Variants in TENM4 observed in about 807,000 individuals in gnomAD.
TENM4 encodes the protein teneurin-4.
In TENM4, 82 loss-of-function variants were observed where a neutral mutation model predicts 243.3. That is an observed-to-expected ratio of 0.34 (90% CI 0.28 to 0.40). The LOEUF is 0.40. Among genes scored for constraint, TENM4 ranks in the 10% least tolerant of loss-of-function variants. The pLI is 1.00. For missense variants in TENM4, 3,138 were observed against 3,673.3 expected, an observed-to-expected ratio of 0.85 and a Z score of 3.77; for synonymous variants, 1,412 against 1,456.3, an observed-to-expected ratio of 0.97 and a Z score of 0.69.
At chr11:79,084,175 A>G (rs11606578) in intron 4 of TENM4, among the ~76,000 whole-genome samples, 19,132 of 152,260 alleles carry the variant, frequency 0.13, 1,313 homozygotes, top group Middle Eastern at 0.26. Context: ...AGCTATCACC[A>G]TACACCTATC....
At chr11:78,874,381 A>C (rs1859211953) in intron 9 of TENM4, among the ~76,000 whole-genome samples, 3 of 152,210 alleles carry the variant, frequency 2.0e-5, no homozygotes, top group Admixed American at 2.0e-4. Context: ...ATATTGCTTA[A>C]TAGTTAATGA....
chr11:78,815,161 G>A (rs1857578360), intron 12 of TENM4, among the ~76,000 whole-genome samples: 1 of 152,180 alleles, frequency 6.6e-6, no homozygotes, highest in South Asian at 2.1e-4. Context: ...TGAGGCAGGT[G>A]GATTACTTGA....
intron 4 of TENM4, among the ~76,000 whole-genome samples, chr11:79,143,005 T>C (rs987471986): frequency 3.3e-5 from 5 of 152,056 alleles, no homozygotes; most frequent in African/African-American, 1.2e-4. Flanking sequence ...AGAATGGTGA[T>C]CATTAAAAAG....
At chr11:79,190,541 C>T (rs1031637714) in intron 3 of TENM4, among the ~76,000 whole-genome samples, 1 of 152,038 alleles carries the variant, frequency 6.6e-6, no homozygotes, top group South Asian at 2.1e-4. Flanking sequence ...GAATGAGAGT[C>T]AAAAATAATA....
chr11:78,884,405 G>T (rs959768332), intron 9 of TENM4, among the ~76,000 whole-genome samples: 3 of 152,148 alleles, frequency 2.0e-5, no homozygotes, highest in African/African-American at 7.2e-5. Context: ...GTCAGCAAGT[G>T]ATACAGCCAG....
intron 2 of TENM4, among the ~76,000 whole-genome samples, chr11:79,254,218 T>A (rs1376057763): frequency 6.6e-6 from 1 of 152,198 alleles, no homozygotes; most frequent in African/African-American, 2.4e-5. Context: ...CATGCCAAGA[T>A]AGGCATATGT....
Position 79,124,756 on chromosome 11 carries a change from AAT to A in TENM4, c.-66+23952_-66+23953del, listed in dbSNP as rs59360725. ...TTCTCTAGAGGGACAGAACTAATCA[AAT>A]ATATATATATATATACACATATATA... On this transcript the variant is annotated intron_variant, in intron 4 of 33. Transcript: ENST00000278550. Among the ~76,000 whole-genome samples the A allele has an allele frequency of 7.5e-3, 1,007 of 133,838 alleles. 11 individuals carry two copies. Among genetic ancestry groups the A allele is most frequent in the African/African-American group, 0.023 (832 of 35,610 alleles). 87.8% of individuals were successfully genotyped at this position (133,838 alleles called of 152,430 possible). A position where few individuals can be genotyped will look rare whatever the true frequency, so the allele number is the denominator to read the frequency against.
At chr11:79,238,173 A>G (rs1864515062) in intron 2 of TENM4, among the ~76,000 whole-genome samples, 2 of 152,140 alleles carry the variant, frequency 1.3e-5, no homozygotes, top group South Asian at 4.1e-4. Context: ...TTCTCTATTT[A>G]CCTGTAAGGA....
Position 78,676,392 on chromosome 11 carries a change from A to G in TENM4, c.5261-5T>C. ...AGTAGCTGTTCCGGACTTGGTCTGCAGGAGAGGACAAGCACAGACTGCTCA... is the reference window on the plus strand; with the variant it reads ...AGTAGCTGTTCCGGACTTGGTCTGCGGGAGAGGACAAGCACAGACTGCTCA... On this transcript the variant is annotated splice_region_variant and splice_polypyrimidine_tract_variant and intron_variant, in intron 29 of 33. Coordinates refer to ENST00000278550, the MANE Select transcript of TENM4 (RefSeq NM_001098816.3). 6.3e-7 allele frequency: 1 copy of G among 1,589,578 alleles called. No individual in the cohort carries two copies. Among genetic ancestry groups the G allele is most frequent in the East Asian group, 2.3e-5 (1 of 44,302 alleles).
At chr11:79,107,088 T>C (rs1193762130) in intron 4 of TENM4, among the ~76,000 whole-genome samples, 1 of 152,138 alleles carries the variant, frequency 6.6e-6, no homozygotes, top group Non-Finnish European at 1.5e-5. Flanking sequence ...CCCCATTTTA[T>C]GGATGAGGAA....
chr11:78,672,365 C>G, intron 30 of TENM4, 36 bp from the exon 31 acceptor site: 2 of 1,585,608 alleles, frequency 1.3e-6, no homozygotes, highest in South Asian at 1.2e-5. Flanking sequence ...GAAAATTAAT[C>G]TGGACCATGA....
intron 6 of TENM4, among the ~76,000 whole-genome samples, chr11:79,023,379 G>A (rs3862809): frequency 0.33 from 50,211 of 151,448 alleles, 9,684 homozygotes; most frequent in African/African-American, 0.54. Flanking sequence ...GGCCATCATG[G>A]CAAAACCCCG....
chr11:79,226,775 A>C (rs1289841279), intron 2 of TENM4, among the ~76,000 whole-genome samples: 1 of 152,124 alleles, frequency 6.6e-6, no homozygotes, highest in Non-Finnish European at 1.5e-5. Context: ...CATTTATTCT[A>C]TTCAGGAGAC....
At chr11:79,032,084 A>T (rs979020889) in intron 6 of TENM4, among the ~76,000 whole-genome samples, 1 of 152,208 alleles carries the variant, frequency 6.6e-6, no homozygotes, top group South Asian at 2.1e-4. Flanking sequence ...CACCATAATT[A>T]AGATTACTAC....
chr11:79,409,658 CAGACA>C (rs1858656831), intron 1 of TENM4, among the ~76,000 whole-genome samples: 2 of 152,218 alleles, frequency 1.3e-5, no homozygotes, highest in Non-Finnish European at 2.9e-5. Context: ...CCAGCTGTAG[CAGACA>C]CTACGGATGC....
At chr11:78,910,005 G>T (rs1437880950) in intron 6 of TENM4, among the ~76,000 whole-genome samples, 1 of 152,196 alleles carries the variant, frequency 6.6e-6, no homozygotes, top group African/African-American at 2.4e-5. Flanking sequence ...ATGGCAGGGT[G>T]CCTCCCTCGT....
rs561140510 is a variant in TENM4 at position 79,044,957 on chromosome 11, C to T, written c.493+19781G>A. Among the ~76,000 whole-genome samples the T allele has an allele frequency of 4.1e-4, 62 of 152,228 alleles. 1 individual carries two copies. The South Asian group carries it at 0.012, about 29-fold the overall frequency. On this transcript the variant is annotated intron_variant, in intron 6 of 33. Transcript: ENST00000278550. ...ATTATAGAAAAGTATACATAAAACT[C>T]ATCATTTTAACCATTTAAAAGCATG... is the stretch of plus-strand genomic sequence containing the variant.
chr11:79,000,514 G>A (rs1858290486), intron 6 of TENM4, among the ~76,000 whole-genome samples: 1 of 152,064 alleles, frequency 6.6e-6, no homozygotes. Context: ...CAGTCATCTT[G>A]GAGCATAGTT....
intron 16 of TENM4, among the ~76,000 whole-genome samples, chr11:78,785,562 A>C (rs113292848): frequency 6.6e-6 from 1 of 152,226 alleles, no homozygotes; most frequent in Non-Finnish European, 1.5e-5. Context: ...GAAAATGAGG[A>C]AATAATACAT....
Sources: gnomAD v4.1 joint callset for allele counts (sites outside exome capture counted in the v4.1 genomes callset) on GRCh38, gnomAD v4.1.1 for gene constraint, MANE v1.5 for transcripts, NCBI Gene and HGNC (gene_info 2026-07-23, HGNC 2026-07-21) for gene names.